Variants in PTPRU observed in about 807,000 individuals in gnomAD.
PTPRU encodes the protein protein tyrosine phosphatase receptor type U, also known as receptor-type tyrosine-protein phosphatase U.
In PTPRU, 69 loss-of-function variants were observed where a neutral mutation model predicts 166.3. That is an observed-to-expected ratio of 0.41 (90% CI 0.34 to 0.51). PTPRU has a LOEUF of 0.51. Ranked by LOEUF, PTPRU falls within the 20% of genes least tolerant of loss-of-function variation. The pLI is 0.09. For missense variants in PTPRU, 1,657 were observed against 2,013.7 expected, an observed-to-expected ratio of 0.82 and a Z score of 3.39; for synonymous variants, 793 against 814.0, an observed-to-expected ratio of 0.97 and a Z score of 0.44.
At chr1:29,302,032 A>G (rs188904483) in intron 15 of PTPRU, among the ~76,000 whole-genome samples, 53 of 152,220 alleles carry the variant, frequency 3.5e-4, no homozygotes, top group African/African-American at 1.2e-3. Context: ...ACGTTTTCAT[A>G]GGTGATGACG....
chr1:29,237,632 C>T lies in PTPRU; in HGVS notation c.73+915C>T, dbSNP rs779522266. ...TCGCGGCGGCGCCCCCTGGGCTGCC[C>T]GGGTCGGGCAGGGCCCGAGGCTCAG... On this transcript the variant is annotated intron_variant, in intron 1 of 29. Coordinates refer to ENST00000373779, the MANE Select transcript of PTPRU (RefSeq NM_133178.4). This position sits in a 1 kb window ranked among gnomAD's most constrained non-coding sequence, Gnocchi z 6.4. Among the ~76,000 whole-genome samples the T allele has an allele frequency of 1.3e-3, 189 of 150,504 alleles. No homozygotes were observed. Among genetic ancestry groups the T allele is most frequent in the Non-Finnish European group, 2.2e-3 (147 of 67,672 alleles).
chr1:29,267,136 A>C (rs1364858130), intron 7 of PTPRU, among the ~76,000 whole-genome samples: 2 of 152,202 alleles, frequency 1.3e-5, no homozygotes, highest in Non-Finnish European at 1.5e-5. Context: ...AGGCTGAGGC[A>C]GGAGGATTGC....
rs766899103 is a variant in PTPRU at position 29,260,884 on chromosome 1, C to T, written c.1125C>T (p.Ile375=). 1.3e-5 allele frequency: 21 copies of T among 1,581,722 alleles called. No individual in the cohort carries two copies. Among genetic ancestry groups the T allele is most frequent in the Non-Finnish European group, 1.7e-5 (20 of 1,166,636 alleles). The change falls in exon 7 of 30, where the codon ATC becomes ATT. Residue 375 remains isoleucine, a synonymous_variant. Transcript: ENST00000373779. This position sits in a 1 kb window ranked among gnomAD's most constrained non-coding sequence, Gnocchi z 8.3. ...CTGGCCGCCCTGGGCCACCCCTCAT[C>T]AGCCGCACCAAATGCGCAGGTGGGT... ...GGTGRPGPPL[I]SRTKCAEPMR...
chr1:29,325,128 T>C (rs1029560285), intron 28 of PTPRU, 63 bp from the exon 29 acceptor site: 1 of 1,601,662 alleles, frequency 6.2e-7, no homozygotes, highest in African/African-American at 1.3e-5. Context: ...CGTGGTTCCC[T>C]GGCCCTTTTC....
chr1:29,286,124 C>G (rs188661991), intron 14 of PTPRU, among the ~76,000 whole-genome samples: 156 of 152,230 alleles, frequency 1.0e-3, no homozygotes, highest in Non-Finnish European at 1.8e-3. Flanking sequence ...AGGCCAGACA[C>G]CAGCAAGAGA....
chr1:29,306,785 T>C (rs1454352372), intron 18 of PTPRU, among the ~76,000 whole-genome samples: 2 of 152,136 alleles, frequency 1.3e-5, no homozygotes, highest in Non-Finnish European at 2.9e-5. Flanking sequence ...TGGGGCCAGA[T>C]GTGCCATGCC....
chr1:29,259,050 A>G (rs567451300), intron 3 of PTPRU, among the ~76,000 whole-genome samples: 2 of 152,248 alleles, frequency 1.3e-5, no homozygotes, highest in South Asian at 2.1e-4. Flanking sequence ...GTAACTGTCC[A>G]GGATTTGGGT....
In PTPRU at chr1:29,237,954, C is replaced by A. The variant is rs981723407; in HGVS notation, c.73+1237C>A. Reference sequence around the variant, plus strand: ...CTGGCTCGCCGCCGGGGGACGGCGCCCCCTCCCTTGGCGCGCAGGACGCGC... The same window carrying A: ...CTGGCTCGCCGCCGGGGGACGGCGCACCCTCCCTTGGCGCGCAGGACGCGC... On this transcript the variant is annotated intron_variant, in intron 1 of 29. Coordinates refer to ENST00000373779, the MANE Select transcript of PTPRU (RefSeq NM_133178.4). The surrounding 1 kb of genome is among the most constrained non-coding windows in gnomAD (Gnocchi z 6.4). 6.6e-6 allele frequency among the ~76,000 whole-genome samples: 1 copy of A among 150,636 alleles called. No homozygotes were observed. Among genetic ancestry groups the A allele is most frequent in the Admixed American group, 6.6e-5 (1 of 15,160 alleles).
rs1324690304 is a variant in PTPRU at position 29,259,245 on chromosome 1, C to T, written c.478-16C>T. The stretch of plus-strand genomic sequence containing the variant: ...GAGGAATATCAGTATGATAGGGGCC[C>T]TCCCGCCTCCCCCAGGTGCTGTTTG... On this transcript the variant is annotated splice_polypyrimidine_tract_variant and intron_variant, in intron 3 of 29. Coordinates refer to ENST00000373779, the MANE Select transcript of PTPRU (RefSeq NM_133178.4). 8.7e-6 allele frequency: 14 copies of T among 1,609,502 alleles called. No homozygotes were observed. The highest frequency in any genetic ancestry group is 1.7e-5 in the Admixed American group (1 of 59,654).
In PTPRU at chr1:29,323,356, C is replaced by T. The variant is rs200583258; in HGVS notation, c.3829-15C>T. 155 of 1,602,750 alleles carry T rather than the reference C, an allele frequency of 9.7e-5. 1 individual carries two copies. Among genetic ancestry groups the T allele is most frequent in the African/African-American group, 4.1e-4 (31 of 74,748 alleles). ...AGGCTCTACTCAGCTCTCCCCTCTC[C>T]GTGCTTATGCCCAGCCCTGCCTGCA... On this transcript the variant is annotated splice_polypyrimidine_tract_variant and intron_variant, in intron 26 of 29. Coordinates refer to ENST00000373779, the MANE Select transcript of PTPRU (RefSeq NM_133178.4).
chr1:29,244,198 C>T (rs1446458234), intron 1 of PTPRU, among the ~76,000 whole-genome samples: 1 of 152,036 alleles, frequency 6.6e-6, no homozygotes. Context: ...CCCCCGGGGG[C>T]TCCCAGACTA....
chr1:29,275,114 T>A (rs1219529381), intron 7 of PTPRU, among the ~76,000 whole-genome samples: 1 of 151,938 alleles, frequency 6.6e-6, no homozygotes, highest in Non-Finnish European at 1.5e-5. Context: ...TCATGCATCC[T>A]TTGTGTGTAT....
chr1:29,240,914 GCTT>G (rs1684023458), intron 1 of PTPRU, among the ~76,000 whole-genome samples: 1 of 152,148 alleles, frequency 6.6e-6, no homozygotes, highest in African/African-American at 2.4e-5. Flanking sequence ...TGTTCTCACC[GCTT>G]GTGCACCGGA....
intron 1 of PTPRU, among the ~76,000 whole-genome samples, chr1:29,244,993 T>C (rs1309482898): frequency 1.3e-5 from 2 of 152,010 alleles, no homozygotes; most frequent in East Asian, 3.9e-4. Flanking sequence ...CCTAGCCAGG[T>C]TGATTGAGTC....
rs560006860 is a variant in PTPRU, at chr1:29,279,282, G to A, written c.1563+161G>A. Among the ~76,000 whole-genome samples the A allele has an allele frequency of 1.5e-3, 228 of 152,286 alleles. 1 individual carries two copies. Among genetic ancestry groups the A allele is most frequent in the South Asian group, 0.014 (67 of 4,828 alleles). On this transcript the variant is annotated intron_variant, in intron 9 of 29. Transcript: ENST00000373779. This position sits in a 1 kb window ranked among gnomAD's most constrained non-coding sequence, Gnocchi z 5.2. ...CTGTGCCCTGTGTATTCTAGAGGAG[G>A]GTCCTGAAGGCAGGAGGGAGAGCCG...
chr1:29,260,128 G>GGGGGGGGGGC lies in PTPRU; in HGVS notation c.850+84_850+85insGGGGGGGGGC. On this transcript the variant is annotated intron_variant, in intron 6 of 29. Coordinates refer to ENST00000373779, the MANE Select transcript of PTPRU (RefSeq NM_133178.4). The surrounding 1 kb of genome is among the most constrained non-coding windows in gnomAD (Gnocchi z 8.3). ...ACGGGGGCGGGCTCTGCCCGGGGGC[G>GGGGGGGGGGC]TGGCCGTGGGGGGTGGGGCCGGCAG... The GGGGGGGGGGC allele has an allele frequency of 7.9e-7, 1 of 1,266,462 alleles. No individual in the cohort carries two copies. The highest frequency in any genetic ancestry group is 1.0e-6 in the Non-Finnish European group (1 of 991,552). The allele number at this position is 1,266,462 out of a possible 1,614,324, so 78.5% of individuals were successfully genotyped here. A position where few individuals can be genotyped will look rare whatever the true frequency, so the allele number is the denominator to read the frequency against.
chr1:29,319,833 G>A (rs942215475), intron 25 of PTPRU, among the ~76,000 whole-genome samples: 1 of 152,162 alleles, frequency 6.6e-6, no homozygotes, highest in Non-Finnish European at 1.5e-5. Flanking sequence ...GAAGAGCTCG[G>A]GGAAGGGAGG....
At chr1:29,322,987 G>A (rs1688227386) in intron 26 of PTPRU, among the ~76,000 whole-genome samples, 2 of 147,092 alleles carry the variant, frequency 1.4e-5, no homozygotes, top group Admixed American at 6.9e-5. Context: ...GGCAGTGAGA[G>A]AGAAGGCTGG....
At chr1:29,239,399 G>C (rs1336406302) in intron 1 of PTPRU, among the ~76,000 whole-genome samples, 3 of 152,150 alleles carry the variant, frequency 2.0e-5, no homozygotes, top group African/African-American at 7.2e-5. Context: ...GCTGCCCAGT[G>C]GTTTCAGGTT....
Sources: gnomAD v4.1 joint callset for allele counts (sites outside exome capture counted in the v4.1 genomes callset) on GRCh38, gnomAD v4.1.1 for gene constraint, Gnocchi (gnomAD v3.1) non-coding constraint, MANE v1.5 for transcripts, NCBI Gene and HGNC (gene_info 2026-07-23, HGNC 2026-07-21) for gene names.